ARFIP1: variants seen among roughly 807,000 people sequenced by gnomAD.
The protein encoded by ARFIP1 is arfaptin-1.
ARFIP1 carries 24 observed loss-of-function variants against 42.5 expected under a neutral mutation model. That is an observed-to-expected ratio of 0.57 (90% CI 0.41 to 0.80). The LOEUF is 0.80. Ranked by LOEUF, ARFIP1 falls within the 30% of genes least tolerant of loss-of-function variation. ARFIP1 has a pLI of 0.00. For synonymous variants in ARFIP1, 141 were observed against 153.7 expected (o/e 0.92, Z 0.61); for missense variants, 354 against 434.0 (o/e 0.82, Z 1.64).
At chr4:152,824,857 T>C (rs1730691259) in intron 1 of ARFIP1, among the ~76,000 whole-genome samples, 1 of 151,996 alleles carries the variant, frequency 6.6e-6, no homozygotes. Flanking sequence ...GTATACAAAA[T>C]CAGTGTACAC....
chr4:152,871,457 T>C (rs1734876569), intron 4 of ARFIP1, among the ~76,000 whole-genome samples: 1 of 152,158 alleles, frequency 6.6e-6, no homozygotes, highest in African/African-American at 2.4e-5. Context: ...TTATATGAAA[T>C]GTTAACATTT....
At chr4:152,816,505 T>C (rs971966585) in intron 1 of ARFIP1, among the ~76,000 whole-genome samples, 1 of 152,240 alleles carries the variant, frequency 6.6e-6, no homozygotes, top group Non-Finnish European at 1.5e-5. Flanking sequence ...TATTCAGGTC[T>C]CACAAAAATA....
rs1736431655 is a variant in ARFIP1 at position 152,888,227 on chromosome 4, C to A, written c.886C>A (p.Leu296Ile). The change falls in exon 8 of 9, where the codon CTC becomes ATC. Residue 296 changes from leucine to isoleucine, a missense_variant. Physicochemically the swap from Leu to Ile is conservative, Grantham distance 5 (BLOSUM62 2). Coordinates refer to ENST00000353617, the MANE Select transcript of ARFIP1 (RefSeq NM_001025595.3). The stretch of plus-strand genomic sequence containing the variant: ...GCCAAAGATTGAGCAGTCACAGCAT[C>A]TCTTCCAAGCACATAAGGAAAAATA... ...TLPKIEQSQH[L>I]FQAHKEKYDK... The A allele has an allele frequency of 1.2e-6, 2 of 1,611,546 alleles. No individual in the cohort carries two copies.
chr4:152,832,567 C>G (rs1731336879), intron 2 of ARFIP1, among the ~76,000 whole-genome samples: 1 of 152,116 alleles, frequency 6.6e-6, no homozygotes, highest in South Asian at 2.1e-4. Flanking sequence ...TTTTGATGAA[C>G]AGAAGTTGTT....
intron 1 of ARFIP1, among the ~76,000 whole-genome samples, chr4:152,786,712 A>G (rs1730831188): frequency 6.6e-6 from 1 of 152,192 alleles, no homozygotes; most frequent in Non-Finnish European, 1.5e-5. Context: ...TCTAGGATCA[A>G]AATAAAACTG....
At chr4:152,813,729 T>G (rs1265265621) in intron 1 of ARFIP1, among the ~76,000 whole-genome samples, 1 of 152,172 alleles carries the variant, frequency 6.6e-6, no homozygotes, top group African/African-American at 2.4e-5. Context: ...TGATAATAAT[T>G]GTTATTATAG....
At chr4:152,801,494 C>T (rs941913626) in intron 1 of ARFIP1, among the ~76,000 whole-genome samples, 4 of 152,112 alleles carry the variant, frequency 2.6e-5, no homozygotes, top group African/African-American at 4.8e-5. Context: ...AAATGAATTT[C>T]TGTATCATCT....
At chr4:152,809,112 T>G (rs373902034) in intron 1 of ARFIP1, among the ~76,000 whole-genome samples, 2 of 152,236 alleles carry the variant, frequency 1.3e-5, no homozygotes, top group East Asian at 3.9e-4. Context: ...TAACAGTAGG[T>G]GTTCTTGGGT....
chr4:152,862,987 T>A (rs1313757334), intron 2 of ARFIP1, among the ~76,000 whole-genome samples: 2 of 152,230 alleles, frequency 1.3e-5, no homozygotes, highest in Non-Finnish European at 2.9e-5. Context: ...ATTGTGCTTC[T>A]TGACTTTTTA....
intron 8 of ARFIP1, among the ~76,000 whole-genome samples, chr4:152,890,123 G>A (rs116072902): frequency 1.7e-3 from 251 of 151,666 alleles, no homozygotes; most frequent in African/African-American, 5.4e-3. Context: ...AAGAATATAC[G>A]TGTTTGATAG....
chr4:152,889,578 A>AAT (rs1164663789), intron 8 of ARFIP1, among the ~76,000 whole-genome samples: 3 of 103,648 alleles, frequency 2.9e-5, no homozygotes, highest in Non-Finnish European at 5.9e-5. Flanking sequence ...TGTATATATA[A>AAT]ATATATATAC....
intron 8 of ARFIP1, among the ~76,000 whole-genome samples, chr4:152,905,736 A>T (rs113761607): frequency 6.4e-4 from 97 of 151,408 alleles, no homozygotes; most frequent in African/African-American, 2.2e-3. Flanking sequence ...TATTTTTAGT[A>T]GAGACAGGAT....
intron 1 of ARFIP1, among the ~76,000 whole-genome samples, chr4:152,801,150 T>C (rs1305181848): frequency 1.3e-5 from 2 of 152,160 alleles, no homozygotes; most frequent in Non-Finnish European, 2.9e-5. Context: ...ATACGTAAGT[T>C]ATTTTATAAT....
intron 8 of ARFIP1, among the ~76,000 whole-genome samples, chr4:152,890,428 G>C (rs891987019): frequency 6.6e-6 from 1 of 152,160 alleles, no homozygotes; most frequent in Non-Finnish European, 1.5e-5. Context: ...TTTTAAAGTT[G>C]AGAGTAGCAG....
chr4:152,896,191 T>C (rs1024844705), intron 8 of ARFIP1, among the ~76,000 whole-genome samples: 1 of 150,260 alleles, frequency 6.7e-6, no homozygotes, highest in Non-Finnish European at 1.5e-5. Context: ...ACAGCATATG[T>C]TGACGGTCAG....
At position 152,804,291 on chromosome 4, in the gene ARFIP1, TTA is replaced by T. The variant is rs1187694319; in HGVS notation, c.-10+24073_-10+24074del. ...TATTATATATATAACATAACATGTA[TTA>T]TATATATTATATATATATAACATAA... On this transcript the variant is annotated intron_variant, in intron 1 of 8. Transcript: ENST00000353617. 1.9e-4 allele frequency among the ~76,000 whole-genome samples: 13 copies of T among 68,126 alleles called. 3 individuals carry two copies. Among genetic ancestry groups the T allele is most frequent in the African/African-American group, 8.4e-4 (12 of 14,302 alleles). 44.7% of individuals were successfully genotyped at this position (68,126 alleles called of 152,430 possible). A position where few individuals can be genotyped will look rare whatever the true frequency, so the allele number is the denominator to read the frequency against.
At chr4:152,855,873 C>T (rs1185532272) in intron 2 of ARFIP1, among the ~76,000 whole-genome samples, 1 of 152,226 alleles carries the variant, frequency 6.6e-6, no homozygotes, top group Non-Finnish European at 1.5e-5. Context: ...CTTTGCCTCC[C>T]AGCTGATCCT....
intron 2 of ARFIP1, among the ~76,000 whole-genome samples, chr4:152,851,652 G>C (rs907723512): frequency 6.6e-6 from 1 of 152,170 alleles, no homozygotes; most frequent in Non-Finnish European, 1.5e-5. Flanking sequence ...TGTCTAGTTT[G>C]AAGAATTGAT....
intron 8 of ARFIP1, among the ~76,000 whole-genome samples, chr4:152,891,907 C>G (rs2149901095): frequency 6.6e-6 from 1 of 152,048 alleles, no homozygotes; most frequent in African/African-American, 2.4e-5. Flanking sequence ...CAGGTTTCAC[C>G]ATGTTGGCCA....
Sources: gnomAD v4.1 joint callset for allele counts (sites outside exome capture counted in the v4.1 genomes callset) on GRCh38, gnomAD v4.1.1 for gene constraint, MANE v1.5 for transcripts, NCBI Gene and HGNC (gene_info 2026-07-23, HGNC 2026-07-21) for gene names.